The following HSDL2 variants were observed in gnomAD, a reference collection of about 807,000 sequenced individuals.
HSDL2 encodes the protein hydroxysteroid dehydrogenase-like protein 2.
A neutral mutation model predicts 46.3 loss-of-function variants in HSDL2; 27 were observed. The observed-to-expected ratio is 0.58, with a 90% CI of 0.43 to 0.80. HSDL2 has a LOEUF of 0.80. Among genes scored for constraint, HSDL2 ranks in the 30% least tolerant of loss-of-function variants. The pLI, the probability that HSDL2 is intolerant of heterozygous loss-of-function variation, is 0.00. For missense variants in HSDL2, 451 were observed against 502.7 expected, an observed-to-expected ratio of 0.90 and a Z score of 0.98; for synonymous variants, 153 against 163.6, an observed-to-expected ratio of 0.94 and a Z score of 0.50.
chr9:112,391,133 G>A (rs931015802), intron 1 of HSDL2, among the ~76,000 whole-genome samples: 6 of 151,666 alleles, frequency 4.0e-5, no homozygotes, highest in African/African-American at 1.5e-4. Context: ...CCAAGATCAC[G>A]CCACTACACT....
chr9:112,463,161 T>TG (rs1833264813), intron 10 of HSDL2, among the ~76,000 whole-genome samples: 1 of 152,244 alleles, frequency 6.6e-6, no homozygotes, highest in African/African-American at 2.4e-5. Flanking sequence ...GCTATGAACA[T>TG]TCTCATACAT....
chr9:112,398,900 G>C (rs1831523783), intron 1 of HSDL2, among the ~76,000 whole-genome samples: 1 of 152,130 alleles, frequency 6.6e-6, no homozygotes, highest in Admixed American at 6.5e-5. Context: ...GTTTAATATA[G>C]CAGAGATAAG....
At chr9:112,459,684 A>G in intron 10 of HSDL2, 107 bp downstream of exon 10, 1 of 976,100 alleles carries the variant, frequency 1.0e-6, no homozygotes, top group South Asian at 1.5e-5. Flanking sequence ...TGTTGGCAGC[A>G]GTGGAATCTT....
At position 112,446,217 on chromosome 9, in the gene HSDL2, A is replaced by G. The variant is rs763296290; in HGVS notation, c.865+4447A>G. On this transcript the variant is annotated intron_variant, in intron 8 of 10. Coordinates refer to ENST00000398805, the MANE Select transcript of HSDL2 (RefSeq NM_032303.5). ...GCTTTTGGCTCCCTTCCCTGTCTAT[A>G]TGGAGGAATTCCTTTTTCTGAGCTG... 1.8e-4 allele frequency among the ~76,000 whole-genome samples: 28 copies of G among 152,022 alleles called. No individual in the cohort carries two copies. In the Middle Eastern group the frequency reaches 0.014, roughly 74 times the overall value.
At chr9:112,462,586 ACC>A (rs1309621441) in intron 10 of HSDL2, among the ~76,000 whole-genome samples, 4 of 144,898 alleles carry the variant, frequency 2.8e-5, no homozygotes, top group Non-Finnish European at 6.0e-5. Context: ...ATATTACTTT[ACC>A]TGAGGAGGGG....
chr9:112,401,893 C>T (rs768963642), intron 1 of HSDL2, among the ~76,000 whole-genome samples: 3 of 152,116 alleles, frequency 2.0e-5, no homozygotes, highest in Non-Finnish European at 4.4e-5. Context: ...AAAATAATTT[C>T]AACCTCTCTG....
At chr9:112,412,710 A>G (rs1354542407) in intron 4 of HSDL2, among the ~76,000 whole-genome samples, 1 of 152,210 alleles carries the variant, frequency 6.6e-6, no homozygotes, top group Non-Finnish European at 1.5e-5. Flanking sequence ...TTGGAAGCCC[A>G]TTTGGCAAAA....
chr9:112,450,194 CAG>C (rs1298604989), intron 8 of HSDL2, among the ~76,000 whole-genome samples: 2 of 150,958 alleles, frequency 1.3e-5, no homozygotes, highest in Admixed American at 1.3e-4. Context: ...CTATGGGAGA[CAG>C]AGGTGGGATG....
chr9:112,457,782 G>A (rs1368591814), intron 9 of HSDL2, among the ~76,000 whole-genome samples: 1 of 152,062 alleles, frequency 6.6e-6, no homozygotes, highest in African/African-American at 2.4e-5. Flanking sequence ...CAGTTACCTA[G>A]TCTTATGGTT....
At chr9:112,422,737 T>C (rs540623469) in intron 6 of HSDL2, among the ~76,000 whole-genome samples, 245 of 152,234 alleles carry the variant, frequency 1.6e-3, no homozygotes, top group African/African-American at 5.7e-3. Flanking sequence ...GAAAGACCGA[T>C]ATGGATGTAA....
intron 5 of HSDL2, among the ~76,000 whole-genome samples, chr9:112,418,217 T>C (rs1016494760): frequency 6.6e-6 from 1 of 152,224 alleles, no homozygotes; most frequent in African/African-American, 2.4e-5. Context: ...TGTTCACTTC[T>C]ATAAAACCTG....
chr9:112,450,913 C>G (rs1832871049), intron 8 of HSDL2, among the ~76,000 whole-genome samples: 1 of 152,084 alleles, frequency 6.6e-6, no homozygotes, highest in African/African-American at 2.4e-5. Context: ...TCAAAAACAA[C>G]TTTTTGAGGC....
rs1200508712 is a variant in HSDL2, at chr9:112,454,121, T to C, written c.974T>C (p.Val325Ala). 9 of 1,613,898 alleles carry C rather than the reference T, an allele frequency of 5.6e-6. No homozygotes were observed. Among genetic ancestry groups the C allele is most frequent in the African/African-American group, 1.3e-5 (1 of 74,930 alleles). ...RIVKDSLSDD[V>A]VKATQAIYLF... is the part of the protein sequence containing the mutation. ...GTTAAGGACTCTCTCAGTGATGATG[T>C]TGTTAAAGCCACTCAAGCAATCTAT... The change falls in exon 9 of 11, where the codon GTT becomes GCT. Residue 325 changes from valine to alanine, a missense_variant. By Grantham distance (64) the Val-to-Ala change is moderately conservative. Transcript: ENST00000398805.
chr9:112,444,544 T>C, intron 8 of HSDL2, among the ~76,000 whole-genome samples: 1 of 151,828 alleles, frequency 6.6e-6, no homozygotes, highest in East Asian at 1.9e-4. Context: ...TCAAGACTAG[T>C]CTGGGCAACA....
intron 6 of HSDL2, among the ~76,000 whole-genome samples, chr9:112,436,242 C>CAAAAAA (rs527930574): frequency 3.9e-5 from 3 of 77,652 alleles, no homozygotes; most frequent in Admixed American, 1.4e-4. Flanking sequence ...GACCCTATCT[C>CAAAAAA]AAAAAAAAAA....
At chr9:112,381,079 A>G (rs980003863) in intron 1 of HSDL2, among the ~76,000 whole-genome samples, 4 of 132,402 alleles carry the variant, frequency 3.0e-5, no homozygotes, top group Middle Eastern at 3.6e-3. Context: ...TAATTTGTAT[A>G]CATCCGGATA....
intron 2 of HSDL2, among the ~76,000 whole-genome samples, chr9:112,405,230 T>C (rs1327344442): frequency 6.6e-6 from 1 of 152,102 alleles, no homozygotes; most frequent in Non-Finnish European, 1.5e-5. Context: ...TGCATGCCTA[T>C]AGTCCCAGCT....
intron 10 of HSDL2, among the ~76,000 whole-genome samples, chr9:112,459,865 G>A (rs529357300): frequency 1.3e-5 from 2 of 152,176 alleles, no homozygotes; most frequent in South Asian, 2.1e-4. Flanking sequence ...CATCATATTA[G>A]CTGGCCTAAG....
intron 6 of HSDL2, among the ~76,000 whole-genome samples, chr9:112,435,194 T>C (rs924991754): frequency 5.3e-5 from 8 of 152,018 alleles, no homozygotes; most frequent in African/African-American, 1.9e-4. Flanking sequence ...AAAGTAATGA[T>C]AGGTTGGAGG....
Sources: gnomAD v4.1 joint callset for allele counts (sites outside exome capture counted in the v4.1 genomes callset) on GRCh38, gnomAD v4.1.1 for gene constraint, MANE v1.5 for transcripts, NCBI Gene and HGNC (gene_info 2026-07-23, HGNC 2026-07-21) for gene names.